Variants in BCKDHB observed in about 807,000 individuals in gnomAD.
The protein encoded by BCKDHB is 2-oxoisovalerate dehydrogenase subunit beta, mitochondrial.
In BCKDHB, 41 loss-of-function variants were observed where a neutral mutation model predicts 48.5. That is an observed-to-expected ratio of 0.85 (90% CI 0.66 to 1.10). BCKDHB has a LOEUF of 1.10. Ranked by LOEUF, BCKDHB falls within the 50% of genes least tolerant of loss-of-function variation. BCKDHB has a pLI of 0.00. For missense variants in BCKDHB, 496 were observed against 494.2 expected (o/e 1.00, Z -0.03); for synonymous variants, 201 against 174.8 (o/e 1.15, Z -1.18).
chr6:80,420,274 C>A, the BCKDHB span, among the ~76,000 whole-genome samples: 2 of 152,184 alleles, frequency 1.3e-5, no homozygotes, highest in African/African-American at 4.8e-5. Context: ...AAAAAGTATT[C>A]ACCTCCTCCA....
At chr6:80,437,868 T>C in the BCKDHB span, among the ~76,000 whole-genome samples, 1 of 152,178 alleles carries the variant, frequency 6.6e-6, no homozygotes, top group Non-Finnish European at 1.5e-5. Flanking sequence ...GACAGAGAAG[T>C]ATATTGAATT....
chr6:80,372,810 T>C, the BCKDHB span, among the ~76,000 whole-genome samples: 1 of 152,190 alleles, frequency 6.6e-6, no homozygotes, highest in Admixed American at 6.5e-5. Flanking sequence ...AACTTGATCA[T>C]AGTGGATTCT....
chr6:80,277,517 C>G (rs1301303620), intron 9 of BCKDHB, among the ~76,000 whole-genome samples: 1 of 150,158 alleles, frequency 6.7e-6, no homozygotes, highest in Non-Finnish European at 1.5e-5. Context: ...AACACACCTG[C>G]ATAATGAAAA....
chr6:80,264,464 A>C lies in BCKDHB; in HGVS notation c.952-8671A>C, dbSNP rs3805906. On this transcript the variant is annotated intron_variant, in intron 8 of 9. Transcript: ENST00000320393. The stretch of plus-strand genomic sequence containing the variant: ...TATGGAGCAAAGCTATGAGGCTCAG[A>C]GGTTTTCTAGTGTGTAACTTGTCTC... Among the ~76,000 whole-genome samples, 303 of 152,272 alleles carry C rather than the reference A, an allele frequency of 2.0e-3. 6 individuals are homozygous for C. In the East Asian group the frequency reaches 0.056, roughly 28 times the overall value.
intron 5 of BCKDHB, chr6:80,169,667 A>T: frequency 1.6e-6 from 1 of 606,350 alleles, no homozygotes; most frequent in Non-Finnish European, 2.5e-6. Context: ...GTTTCTGTTT[A>T]CTGAATAAGC....
chr6:80,391,611 G>A, the BCKDHB span, among the ~76,000 whole-genome samples: 1 of 152,128 alleles, frequency 6.6e-6, no homozygotes, highest in Non-Finnish European at 1.5e-5. Flanking sequence ...TGGACTTATG[G>A]TCCCTTTAAC....
chr6:80,314,167 T>G (rs575664128), intron 9 of BCKDHB, among the ~76,000 whole-genome samples: 13 of 152,368 alleles, frequency 8.5e-5, no homozygotes, highest in Non-Finnish European at 1.3e-4. Flanking sequence ...AGTGTTTTAC[T>G]TCAGATTATG....
At chr6:80,389,343 G>A in the BCKDHB span, among the ~76,000 whole-genome samples, 517 of 152,300 alleles carry the variant, frequency 3.4e-3, 6 homozygotes, top group African/African-American at 0.012. Context: ...TGCCCAATTT[G>A]CCAGCAGCAG....
At chr6:80,183,410 A>G (rs1172898131) in intron 6 of BCKDHB, among the ~76,000 whole-genome samples, 1 of 152,192 alleles carries the variant, frequency 6.6e-6, no homozygotes, top group Non-Finnish European at 1.5e-5. Context: ...TCACTTGTGT[A>G]TCAGAATTTG....
chr6:80,457,408 G>A, the BCKDHB span, among the ~76,000 whole-genome samples: 5 of 152,180 alleles, frequency 3.3e-5, no homozygotes, highest in Admixed American at 3.3e-4. Flanking sequence ...TTGGATTGCA[G>A]CAGAACTCAC....
the BCKDHB span, among the ~76,000 whole-genome samples, chr6:80,363,278 G>A: frequency 2.3e-4 from 35 of 152,056 alleles, no homozygotes; most frequent in African/African-American, 6.3e-4. Flanking sequence ...CCTTTTCAAC[G>A]TCCCTATTCT....
intron 8 of BCKDHB, among the ~76,000 whole-genome samples, chr6:80,253,789 AAAG>A (rs1776934532): frequency 6.6e-6 from 1 of 152,086 alleles, no homozygotes; most frequent in Non-Finnish European, 1.5e-5. Flanking sequence ...AATCTTGGTA[AAAG>A]AAGATTTTTT....
At chr6:80,113,797 G>A (rs1222268585) in intron 1 of BCKDHB, among the ~76,000 whole-genome samples, 2 of 152,218 alleles carry the variant, frequency 1.3e-5, no homozygotes, top group African/African-American at 4.8e-5. Context: ...GCTGGAGCAA[G>A]TGGCTGAAGA....
chr6:80,219,352 A>T (rs1043826946), intron 8 of BCKDHB, among the ~76,000 whole-genome samples: 1 of 151,982 alleles, frequency 6.6e-6, no homozygotes, highest in Admixed American at 6.6e-5. Flanking sequence ...GATTGCAGGC[A>T]TGCACCACGA....
At chr6:80,314,127 A>C (rs1768312373) in intron 9 of BCKDHB, among the ~76,000 whole-genome samples, 1 of 152,126 alleles carries the variant, frequency 6.6e-6, no homozygotes. Context: ...ACTGTTTATT[A>C]TGATTTCAGT....
At chr6:80,273,255 G>A (rs1562194096) in intron 9 of BCKDHB, 34 bp downstream of exon 9, 4 of 1,525,960 alleles carry the variant, frequency 2.6e-6, no homozygotes, top group African/African-American at 1.4e-5. Context: ...TTCAATGCTT[G>A]TGCAATTCCA....
At position 80,343,882 on chromosome 6, in the gene BCKDHB, A is replaced by G; in HGVS notation, c.*78A>G. On this transcript the variant is annotated 3_prime_UTR_variant, in exon 10 of 10. Transcript: ENST00000320393. ...ACGTACTGTTAACCAAGACACAGCA[A>G]TCATCAGTGTTTTGATGGTAACAAA... 1 of 1,537,474 alleles carries G rather than the reference A, an allele frequency of 6.5e-7. No homozygotes were observed. Among genetic ancestry groups the G allele is most frequent in the Non-Finnish European group, 9.0e-7 (1 of 1,111,040 alleles).
At chr6:80,314,595 G>C (rs1177806785) in intron 9 of BCKDHB, among the ~76,000 whole-genome samples, 1 of 152,222 alleles carries the variant, frequency 6.6e-6, no homozygotes, top group Non-Finnish European at 1.5e-5. Flanking sequence ...ATTTAAAGAA[G>C]CAGTCTGGCA....
rs1175114911 is a variant in BCKDHB at position 80,331,725 on chromosome 6, G to T, written c.1039-11939G>T. 2.0e-5 allele frequency among the ~76,000 whole-genome samples: 3 copies of T among 152,300 alleles called. No individual in the cohort carries two copies. The East Asian group carries it at 5.8e-4, about 30-fold the overall frequency. ...TTTACAGGACCAAAACTGCACATTT[G>T]CTCTGCAGCTGTGTTTAACAGTTAT... On this transcript the variant is annotated intron_variant, in intron 9 of 9. Transcript: ENST00000320393.
Sources: allele counts gnomAD v4.1 joint callset (sites outside exome capture counted in the v4.1 genomes callset), GRCh38; gene constraint gnomAD v4.1.1; transcripts MANE v1.5; gene names NCBI Gene and HGNC (gene_info 2026-07-23, HGNC 2026-07-21).